Variants in SDK1 observed in about 807,000 individuals in gnomAD.
The protein encoded by SDK1 is sidekick cell adhesion molecule 1.
SDK1 carries 157 observed loss-of-function variants against 245.5 expected under a neutral mutation model. The ratio of observed to expected loss-of-function variants is 0.64; its 90% confidence interval spans 0.56 to 0.73. SDK1 has a LOEUF of 0.73. Ranked by LOEUF, SDK1 falls within the 30% of genes least tolerant of loss-of-function variation. The probability of loss-of-function intolerance (pLI) is 0.00; values close to 1 mark genes in which losing one functional copy is unlikely to be tolerated. For missense variants in SDK1, 3,583 were observed against 3,002.3 expected, an observed-to-expected ratio of 1.19 and a Z score of -4.52; for synonymous variants, 1,647 against 1,278.5, an observed-to-expected ratio of 1.29 and a Z score of -6.15.
At chr7:3,382,102 ATTTTAT>A (rs2128567309) in intron 1 of SDK1, among the ~76,000 whole-genome samples, 2 of 151,982 alleles carry the variant, frequency 1.3e-5, no homozygotes, top group East Asian at 3.9e-4. Flanking sequence ...AGTTGTCCTC[ATTTTAT>A]TTTTATTTTT....
chr7:3,429,399 G>A (rs1038776855), intron 1 of SDK1, among the ~76,000 whole-genome samples: 2 of 152,056 alleles, frequency 1.3e-5, no homozygotes, highest in African/African-American at 4.8e-5. Context: ...TGGGTTTTTT[G>A]TTGTTTTTAA....
intron 1 of SDK1, among the ~76,000 whole-genome samples, chr7:3,464,271 C>G (rs1463369930): frequency 6.6e-6 from 1 of 152,158 alleles, no homozygotes. Flanking sequence ...CGCCTATAAT[C>G]CTAACACTTT....
intron 1 of SDK1, among the ~76,000 whole-genome samples, chr7:3,379,510 A>G (rs1239581312): frequency 6.6e-6 from 1 of 152,132 alleles, no homozygotes; most frequent in Non-Finnish European, 1.5e-5. Flanking sequence ...AAAGACCTTT[A>G]TTCGTAGATG....
intron 20 of SDK1, among the ~76,000 whole-genome samples, chr7:4,074,856 T>TACTTTCTCTCTCTCTCTCCCTCTCTC (rs1486926440): frequency 1.4e-5 from 1 of 72,338 alleles, no homozygotes; most frequent in African/African-American, 9.5e-5. Flanking sequence ...GAGCAAGACT[T>TACTTTCTCTCTCTCTCTCCCTCTCTC]TCTCTCTCTC....
chr7:3,566,823 G>GA (rs1220209748), intron 1 of SDK1, among the ~76,000 whole-genome samples: 1 of 151,672 alleles, frequency 6.6e-6, no homozygotes, highest in Non-Finnish European at 1.5e-5. Flanking sequence ...AGCATAGGAA[G>GA]AAATCTTCAA....
intron 1 of SDK1, among the ~76,000 whole-genome samples, chr7:3,369,036 C>CTT (rs1352653178): frequency 2.6e-5 from 4 of 151,554 alleles, no homozygotes; most frequent in African/African-American, 4.8e-5. Flanking sequence ...TTTTTCTTTC[C>CTT]TTTTCTTTTT....
intron 5 of SDK1, among the ~76,000 whole-genome samples, chr7:3,934,954 G>A (rs553469427): frequency 6.6e-6 from 1 of 152,164 alleles, no homozygotes; most frequent in Non-Finnish European, 1.5e-5. Context: ...AAGCCCCTTC[G>A]GTGTTGCTTA....
At chr7:3,914,733 C>T (rs576463001) in intron 5 of SDK1, among the ~76,000 whole-genome samples, 50 of 152,276 alleles carry the variant, frequency 3.3e-4, no homozygotes, top group African/African-American at 1.2e-3. Context: ...GCAGCTCCAG[C>T]AGATCCCTGA....
chr7:3,613,697 T>C (rs1293305167), intron 1 of SDK1, among the ~76,000 whole-genome samples: 1 of 152,166 alleles, frequency 6.6e-6, no homozygotes, highest in Non-Finnish European at 1.5e-5. Context: ...ACACATATGT[T>C]CCCAATAGCA....
Position 4,061,898 on chromosome 7 carries a change from G to C in SDK1, c.2912-5940G>C, listed in dbSNP as rs868584653. Among the ~76,000 whole-genome samples, 838 of 146,028 alleles carry C rather than the reference G, an allele frequency of 5.7e-3. 9 individuals are homozygous for C. The highest frequency in any genetic ancestry group is 0.018 in the African/African-American group (711 of 39,302). ...ATCGCAAGAACAAAAAACCAAACACGGCATATTCTCACTCATAGGTGGGAA... is the reference window on the plus strand; with the variant it reads ...ATCGCAAGAACAAAAAACCAAACACCGCATATTCTCACTCATAGGTGGGAA... On this transcript the variant is annotated intron_variant, in intron 19 of 44. Transcript: ENST00000404826.
At chr7:3,587,816 T>A (rs1046811451) in intron 1 of SDK1, among the ~76,000 whole-genome samples, 1 of 152,228 alleles carries the variant, frequency 6.6e-6, no homozygotes, top group African/African-American at 2.4e-5. Flanking sequence ...TGGGTAGACA[T>A]CAGCTCTCCA....
chr7:3,482,735 C>G (rs1781556713), intron 1 of SDK1, among the ~76,000 whole-genome samples: 1 of 152,166 alleles, frequency 6.6e-6, no homozygotes, highest in African/African-American at 2.4e-5. Context: ...AATACAACTC[C>G]TCTCTGGAGG....
At chr7:3,535,438 T>C (rs1191456521) in intron 1 of SDK1, among the ~76,000 whole-genome samples, 2 of 152,188 alleles carry the variant, frequency 1.3e-5, no homozygotes, top group African/African-American at 2.4e-5. Flanking sequence ...AACATCTGAT[T>C]ACTTTGCACC....
intron 14 of SDK1, among the ~76,000 whole-genome samples, chr7:4,001,995 C>T (rs539422420): frequency 1.3e-5 from 2 of 152,336 alleles, no homozygotes; most frequent in South Asian, 2.1e-4. Flanking sequence ...CCTCGCAGTC[C>T]CCTGCAGGAG....
At chr7:3,398,585 A>G (rs531063647) in intron 1 of SDK1, among the ~76,000 whole-genome samples, 9 of 152,106 alleles carry the variant, frequency 5.9e-5, no homozygotes, top group Admixed American at 2.0e-4. Flanking sequence ...TTTTCCCCAG[A>G]TGCATTTTGG....
chr7:3,811,268 A>C (rs968070626), intron 4 of SDK1, among the ~76,000 whole-genome samples: 1 of 152,174 alleles, frequency 6.6e-6, no homozygotes, highest in African/African-American at 2.4e-5. Flanking sequence ...GGCCAGATCC[A>C]GTTCCACTTC....
intron 1 of SDK1, among the ~76,000 whole-genome samples, chr7:3,325,051 A>T (rs1169570634): frequency 1.3e-5 from 2 of 151,948 alleles, no homozygotes; most frequent in East Asian, 3.8e-4. Flanking sequence ...ATTTATCATC[A>T]CTGTTACCAA....
At chr7:4,095,351 C>G (rs910579454) in intron 22 of SDK1, among the ~76,000 whole-genome samples, 11 of 152,050 alleles carry the variant, frequency 7.2e-5, no homozygotes, top group African/African-American at 2.4e-4. Flanking sequence ...TCAGCTCCCC[C>G]ACACCTGAGG....
At chr7:3,860,027 C>T (rs1320936625) in intron 5 of SDK1, among the ~76,000 whole-genome samples, 1 of 151,830 alleles carries the variant, frequency 6.6e-6, no homozygotes, top group Non-Finnish European at 1.5e-5. Flanking sequence ...TCACGCCATT[C>T]TCCTGCCTCA....
Sources: gnomAD v4.1 joint callset for allele counts (sites outside exome capture counted in the v4.1 genomes callset) on GRCh38, gnomAD v4.1.1 for gene constraint, MANE v1.5 for transcripts, NCBI Gene and HGNC (gene_info 2026-07-23, HGNC 2026-07-21) for gene names.